The following SSX3 variants were observed in gnomAD, a reference collection of about 807,000 sequenced individuals.
The protein encoded by SSX3 is SSX family member 3.
A neutral mutation model predicts 14.8 loss-of-function variants in SSX3; 6 were observed. The observed-to-expected ratio is 0.41, with a 90% CI of 0.22 to 0.80. SSX3 has a LOEUF of 0.80. Among genes scored for constraint, SSX3 ranks in the 30% least tolerant of loss-of-function variants. The pLI is 0.34. For missense variants in SSX3, 163 were observed against 152.2 expected, an observed-to-expected ratio of 1.07 and a Z score of -0.37; for synonymous variants, 55 against 52.9, an observed-to-expected ratio of 1.04 and a Z score of -0.18.
In SSX3 at chrX:48,347,031, C is replaced by T. The variant is rs1319459056; in HGVS notation, c.*9G>A. On this transcript the variant is annotated 3_prime_UTR_variant, in exon 8 of 8. Transcript: ENST00000298396. ...TCATCATGGGCATGTGTCATATCCC[C>T]AAGGCTGAGGCAAGAAGAGAGAAGG... 1.3e-5 allele frequency: 16 copies of T among 1,198,097 alleles called. 1 individual carries two copies. The highest frequency in any genetic ancestry group is 1.0e-5 in the Non-Finnish European group (9 of 895,261).
intron 3 of SSX3, among the ~76,000 whole-genome samples, chrX:48,354,314 C>T (rs1439731675): frequency 2.4e-4 from 25 of 106,031 alleles, no homozygotes; most frequent in Admixed American, 1.0e-4. Context: ...AAGAGACAAG[C>T]CGAGAGAAGG....
chrX:48,355,019 T>C (rs782670130), intron 2 of SSX3, 162 bp downstream of exon 2: 2 of 752,395 alleles, frequency 2.7e-6, no homozygotes, highest in East Asian at 3.1e-4. Flanking sequence ...TCTCCAGGGA[T>C]GCTAGGTGAT....
intron 3 of SSX3, 50 bp downstream of exon 3, chrX:48,354,582 G>A (rs1188361677): frequency 2.5e-5 from 28 of 1,134,376 alleles, no homozygotes; most frequent in African/African-American, 5.5e-5. Flanking sequence ...AGCAGGAAAA[G>A]GGATGCTCAT....
At chrX:48,354,920 T>G (rs782761687) in intron 2 of SSX3, 174 bp from the exon 3 acceptor site, 1 of 751,851 alleles carries the variant, frequency 1.3e-6, no homozygotes, top group East Asian at 1.5e-4. Context: ...CCTGCCACAC[T>G]GTCGGGCTTT....
chrX:48,351,453 A>G (rs1556949874), intron 5 of SSX3, among the ~76,000 whole-genome samples: 2 of 112,266 alleles, frequency 1.8e-5, no homozygotes, highest in African/African-American at 6.5e-5. Context: ...CACAGCAGAG[A>G]CCAGATGGTC....
rs181983996 is a variant in SSX3, at chrX:48,354,599, C to T, written c.184+33G>A. The T allele has an allele frequency of 6.7e-5, 79 of 1,174,066 alleles. No homozygotes were observed. In the African/African-American group the frequency reaches 9.8e-4, roughly 15 times the overall value. On this transcript the variant is annotated intron_variant, in intron 3 of 7. Coordinates refer to ENST00000298396, the MANE Select transcript of SSX3 (RefSeq NM_021014.4). ...CAGGAAAAGGGATGCTCATGTGTCC[C>T]CAGACTTGTCTGTACCTAGAACTTT...
In SSX3 at chrX:48,354,824, G is replaced by T. The variant is rs547364791; in HGVS notation, c.70-78C>A. On this transcript the variant is annotated intron_variant, in intron 2 of 7. Coordinates refer to ENST00000298396, the MANE Select transcript of SSX3 (RefSeq NM_021014.4). ...CCATTCAGCTGGAGTCGCTTCCTGT[G>T]TGCTGGATCTGGGAAGTGGGGATAA... The T allele has an allele frequency of 7.5e-6, 9 of 1,194,534 alleles. No homozygotes were observed. The East Asian group carries it at 9.0e-5, about 12-fold the overall frequency.
rs1556950409 is a variant in SSX3 at position 48,353,982 on chromosome X, C to T, written c.280+17G>A. 8 of 1,199,533 alleles carry T rather than the reference C, an allele frequency of 6.7e-6. No individual in the cohort carries two copies. Among genetic ancestry groups the T allele is most frequent in the Non-Finnish European group, 9.0e-6 (8 of 885,156 alleles). ...GGGCTTGAGGAGACCCTTTCCAGCCCCTTCCCATCTACTCACCCTGATTCC... is the reference window on the plus strand; with the variant it reads ...GGGCTTGAGGAGACCCTTTCCAGCCTCTTCCCATCTACTCACCCTGATTCC... On this transcript the variant is annotated intron_variant, in intron 4 of 7. Transcript: ENST00000298396.
intron 4 of SSX3, among the ~76,000 whole-genome samples, chrX:48,353,366 G>T (rs563446550): frequency 1.5e-4 from 17 of 111,333 alleles, no homozygotes; most frequent in African/African-American, 5.5e-4. Flanking sequence ...GCTCACACTT[G>T]TAATCCCAGC....
chrX:48,348,195 G>A (rs2146660548), intron 6 of SSX3: 1 of 421,086 alleles, frequency 2.4e-6, no homozygotes, highest in East Asian at 4.2e-5. Context: ...ATCACATCAT[G>A]GAAAATAGGG....
chrX:48,354,841 T>C (rs1438646521), intron 2 of SSX3, 95 bp from the exon 3 acceptor site: 1 of 1,194,785 alleles, frequency 8.4e-7, no homozygotes, highest in Non-Finnish European at 1.1e-6. Flanking sequence ...ATCTGGGAAG[T>C]GGGGATAATC....
intron 1 of SSX3, among the ~76,000 whole-genome samples, chrX:48,355,850 G>A (rs1418673508): frequency 1.2e-4 from 13 of 111,846 alleles, no homozygotes; most frequent in Admixed American, 8.6e-4. Context: ...ACAAGAGCCC[G>A]CCATCACTTA....
chrX:48,346,877 T>A lies in SSX3; in HGVS notation c.*163A>T. 2 of 922,431 alleles carry A rather than the reference T, an allele frequency of 2.2e-6. No homozygotes were observed. The highest frequency in any genetic ancestry group is 3.1e-6 in the Non-Finnish European group (2 of 649,141). The allele number at this position is 922,431 out of a possible 1,213,427, so 76.0% of individuals were successfully genotyped here. On this transcript the variant is annotated 3_prime_UTR_variant, in exon 8 of 8. Transcript: ENST00000298396. ...CAATGGAAACGCTAATATCGTACTCTTGGCACACTAAGAAAAATGACGCTC... is the reference window on the plus strand; with the variant it reads ...CAATGGAAACGCTAATATCGTACTCATGGCACACTAAGAAAAATGACGCTC...
chrX:48,349,929 C>T, intron 6 of SSX3, 58 bp downstream of exon 6: 10 of 1,206,844 alleles, frequency 8.3e-6, no homozygotes, highest in African/African-American at 1.7e-5. Flanking sequence ...ACCCAGTCCA[C>T]ACACCTGAAC....
chrX:48,349,526 T>C, intron 6 of SSX3: 1 of 1,208,240 alleles, frequency 8.3e-7, no homozygotes, highest in Non-Finnish European at 1.1e-6. Context: ...CAAAAAACAA[T>C]GTGTGTGACT....
intron 6 of SSX3, among the ~76,000 whole-genome samples, chrX:48,348,865 A>C (rs1264611375): frequency 1.8e-5 from 2 of 112,240 alleles, no homozygotes; most frequent in Non-Finnish European, 3.8e-5. Flanking sequence ...AACTCTCTTC[A>C]AATCCATGAA....
chrX:48,349,373 C>T (rs1278370779), intron 6 of SSX3: 1 of 633,833 alleles, frequency 1.6e-6, no homozygotes, highest in African/African-American at 2.3e-5. Flanking sequence ...AAGAGTGTGA[C>T]TCACTGAAGG....
At chrX:48,355,771 T>C (rs782595132) in intron 1 of SSX3, among the ~76,000 whole-genome samples, 6 of 111,802 alleles carry the variant, frequency 5.4e-5, no homozygotes, top group East Asian at 5.6e-4. Context: ...CTAATATGAA[T>C]GTGTTCAGAG....
In SSX3 at chrX:48,350,047, C is replaced by A; in HGVS notation, c.406G>T (p.Gly136Trp). 8.3e-7 allele frequency: 1 copy of A among 1,211,835 alleles called. No homozygotes were observed. The highest frequency in any genetic ancestry group is 1.8e-5 in the South Asian group (1 of 56,991). Residue 136 changes from glycine (G) to tryptophan (W), a missense_variant, in exon 6 of 8, where the codon GGG becomes TGG. Transcript: ENST00000298396. ...TTTCCCGGGGGGCACAGCTGTTTCC[C>A]ATCGTTTTGTGGGCCAGATGCTTCT... Reference protein sequence around the residue: ...VPEASGPQNDGKQLCPPGKPT... With the variant: ...VPEASGPQNDWKQLCPPGKPT...
Sources: gnomAD v4.1 joint callset for allele counts (sites outside exome capture counted in the v4.1 genomes callset) on GRCh38, gnomAD v4.1.1 for gene constraint, MANE v1.5 for transcripts, NCBI Gene and HGNC (gene_info 2026-07-23, HGNC 2026-07-21) for gene names.